AGAP1: variants seen among roughly 807,000 people sequenced by gnomAD.
AGAP1 encodes ArfGAP with GTPase domain, ankyrin repeat and PH domain 1.
AGAP1 carries 29 observed loss-of-function variants against 105.3 expected under a neutral mutation model. The ratio of observed to expected loss-of-function variants is 0.28; its 90% CI spans 0.21 to 0.38. The LOEUF (loss-of-function observed/expected upper bound fraction) is 0.38, where lower values mean the gene tolerates loss of function less well. Among genes scored for constraint, AGAP1 ranks in the 10% least tolerant of loss-of-function variants. AGAP1 has a pLI of 1.00. For missense variants in AGAP1, 998 were observed against 1,165.1 expected (o/e 0.86, Z 2.09); for synonymous variants, 509 against 485.9 (o/e 1.05, Z -0.63).
At chr2:236,122,286 G>C (rs1050909434) in intron 17 of AGAP1, among the ~76,000 whole-genome samples, 6 of 152,032 alleles carry the variant, frequency 3.9e-5, no homozygotes, top group Non-Finnish European at 7.4e-5. Flanking sequence ...ACCCTATTGT[G>C]ACCTCATTTA....
rs1433062232 is a variant in AGAP1, at chr2:236,113,303, G to A, written c.2115-6889G>A. Reference sequence around the variant, plus strand: ...TTACAGGCATCCGCCACCATGCCCGGCTAATTTTTGTATTTTTAGTAGAGA... The same window carrying A: ...TTACAGGCATCCGCCACCATGCCCGACTAATTTTTGTATTTTTAGTAGAGA... On this transcript the variant is annotated intron_variant, in intron 16 of 17. Transcript: ENST00000304032. The surrounding 1 kb of genome is among the most constrained non-coding windows in gnomAD (Gnocchi z 4.3). Among the ~76,000 whole-genome samples, 1 of 152,146 alleles carries A rather than the reference G, an allele frequency of 6.6e-6. No individual in the cohort carries two copies.
At chr2:235,673,304 GA>G (rs1455181840) in intron 1 of AGAP1, among the ~76,000 whole-genome samples, 13 of 152,148 alleles carry the variant, frequency 8.5e-5, no homozygotes, top group African/African-American at 3.1e-4. Context: ...TTAAGATTTT[GA>G]ATTTAGGTGA....
chr2:235,783,917 G>C (rs2149955050), intron 6 of AGAP1, among the ~76,000 whole-genome samples: 1 of 152,324 alleles, frequency 6.6e-6, no homozygotes, highest in Non-Finnish European at 1.5e-5. Flanking sequence ...ATGTGTGGGA[G>C]TGAACTGATG....
At chr2:235,758,395 T>G (rs1238788303) in intron 6 of AGAP1, among the ~76,000 whole-genome samples, 1 of 152,198 alleles carries the variant, frequency 6.6e-6, no homozygotes, top group Non-Finnish European at 1.5e-5. Context: ...ACTACATTGT[T>G]GGAAATGCTG....
intron 13 of AGAP1, among the ~76,000 whole-genome samples, chr2:236,033,744 C>T (rs1388045396): frequency 6.6e-6 from 1 of 152,188 alleles, no homozygotes; most frequent in African/African-American, 2.4e-5. Flanking sequence ...AGCCCTGCAC[C>T]CATACAGTGT....
At position 235,959,541 on chromosome 2, in the gene AGAP1, G is replaced by A. The variant is rs867847986; in HGVS notation, c.1484-8921G>A. Among the ~76,000 whole-genome samples, 27 of 151,972 alleles carry A rather than the reference G, an allele frequency of 1.8e-4. No homozygotes were observed. The highest frequency in any genetic ancestry group is 6.3e-4 in the African/African-American group (26 of 41,376). ...CTTGCCATGAGAACACCCAGCCCAG[G>A]AGAGGTCAGGGCCTGGCCTCCAGGT... On this transcript the variant is annotated intron_variant, in intron 12 of 17. Transcript: ENST00000304032. The surrounding 1 kb of genome is among the most constrained non-coding windows in gnomAD (Gnocchi z 7.3).
intron 1 of AGAP1, among the ~76,000 whole-genome samples, chr2:235,638,744 A>T (rs1195289275): frequency 6.6e-6 from 1 of 152,192 alleles, no homozygotes; most frequent in African/African-American, 2.4e-5. Context: ...CCAGTGGAGA[A>T]CAGGCTGAGG....
Position 235,872,958 on chromosome 2 carries a change from T to C in AGAP1, c.1051-10387T>C, listed in dbSNP as rs973808062. Among the ~76,000 whole-genome samples, 52 of 152,052 alleles carry C rather than the reference T, an allele frequency of 3.4e-4. No individual in the cohort carries two copies. Among genetic ancestry groups the C allele is most frequent in the African/African-American group, 1.1e-3 (44 of 41,408 alleles). On this transcript the variant is annotated intron_variant, in intron 9 of 17. Coordinates refer to ENST00000304032, the MANE Select transcript of AGAP1 (RefSeq NM_001037131.3). The surrounding 1 kb of genome is among the most constrained non-coding windows in gnomAD (Gnocchi z 4.5). ...GTGGTGGCTCCACGGTCCCTGAAAG[T>C]CCCCACTGGCTCAGTGCAGCTCTGG...
chr2:235,694,099 T>G (rs1398491529), intron 1 of AGAP1, among the ~76,000 whole-genome samples: 4 of 152,102 alleles, frequency 2.6e-5, no homozygotes, highest in African/African-American at 9.7e-5. Flanking sequence ...ATCCTAGCAC[T>G]TTGGGAGGCT....
At chr2:235,974,979 G>T (rs1400106822) in intron 13 of AGAP1, among the ~76,000 whole-genome samples, 1 of 152,174 alleles carries the variant, frequency 6.6e-6, no homozygotes, top group Non-Finnish European at 1.5e-5. Flanking sequence ...TTCGAGAAAG[G>T]CATGGGAATT....
Position 235,578,753 on chromosome 2 carries a change from C to A in AGAP1, c.163+83904C>A, listed in dbSNP as rs924897458. Among the ~76,000 whole-genome samples the A allele has an allele frequency of 6.6e-6, 1 of 150,664 alleles. No individual in the cohort carries two copies. The highest frequency in any genetic ancestry group is 1.5e-5 in the Non-Finnish European group (1 of 67,874). ...TAAGCCGACATTGTGCCACTGCACT[C>A]CAGCCTGGGCAATACAGCGAGACTC... On this transcript the variant is annotated intron_variant, in intron 1 of 17. Coordinates refer to ENST00000304032, the MANE Select transcript of AGAP1 (RefSeq NM_001037131.3). This position sits in a 1 kb window ranked among gnomAD's most constrained non-coding sequence, Gnocchi z 4.9.
At position 235,586,374 on chromosome 2, in the gene AGAP1, G is replaced by A. The variant is rs548908623; in HGVS notation, c.163+91525G>A. 6.6e-6 allele frequency among the ~76,000 whole-genome samples: 1 copy of A among 152,346 alleles called. No individual in the cohort carries two copies. Among genetic ancestry groups the A allele is most frequent in the African/African-American group, 2.4e-5 (1 of 41,580 alleles). Reference sequence around the variant, plus strand: ...AACCCCCTGGGTGTGTGTGGAGTTGGGAAAGAGACGGATGTTGAGCCTGAA... The same window carrying A: ...AACCCCCTGGGTGTGTGTGGAGTTGAGAAAGAGACGGATGTTGAGCCTGAA... On this transcript the variant is annotated intron_variant, in intron 1 of 17. Coordinates refer to ENST00000304032, the MANE Select transcript of AGAP1 (RefSeq NM_001037131.3). This position sits in a 1 kb window ranked among gnomAD's most constrained non-coding sequence, Gnocchi z 4.2.
rs1377546194 is a variant in AGAP1, at chr2:235,662,766, C to T, written c.164-46413C>T. On this transcript the variant is annotated intron_variant, in intron 1 of 17. Transcript: ENST00000304032. This position sits in a 1 kb window ranked among gnomAD's most constrained non-coding sequence, Gnocchi z 4.2. The stretch of plus-strand genomic sequence containing the variant: ...CAGGAGTTGGGGTTTTCTGGGCTCA[C>T]ACCCAGCCTGTGTCCCTCATCCCCT... 6.6e-6 allele frequency among the ~76,000 whole-genome samples: 1 copy of T among 152,194 alleles called. No individual in the cohort carries two copies. Among genetic ancestry groups the T allele is most frequent in the East Asian group, 1.9e-4 (1 of 5,178 alleles).
intron 16 of AGAP1, among the ~76,000 whole-genome samples, chr2:236,079,559 C>G (rs140000075): frequency 8.4e-6 from 1 of 119,354 alleles, no homozygotes; most frequent in Non-Finnish European, 1.6e-5. Flanking sequence ...TATATACACA[C>G]ACACACACAC....
chr2:235,809,984 T>G (rs1958045647), intron 9 of AGAP1, among the ~76,000 whole-genome samples: 1 of 152,172 alleles, frequency 6.6e-6, no homozygotes, highest in Non-Finnish European at 1.5e-5. Flanking sequence ...GGGAGGGCCC[T>G]ATACCAGGCA....
rs1414456979 is a variant in AGAP1, at chr2:235,724,183, A to G, written c.310+6539A>G. ...TCTTAACCAACTCAAAATTTTAGGC[A>G]GAAAGCTAGCTCCAAGGCTGAGGCA... On this transcript the variant is annotated intron_variant, in intron 3 of 17. Transcript: ENST00000304032. This position sits in a 1 kb window ranked among gnomAD's most constrained non-coding sequence, Gnocchi z 4.9. Among the ~76,000 whole-genome samples the G allele has an allele frequency of 6.6e-6, 1 of 152,228 alleles. No homozygotes were observed. The highest frequency in any genetic ancestry group is 1.5e-5 in the Non-Finnish European group (1 of 68,048).
At chr2:235,630,612 A>T (rs780518307) in intron 1 of AGAP1, among the ~76,000 whole-genome samples, 4 of 152,278 alleles carry the variant, frequency 2.6e-5, no homozygotes, top group South Asian at 2.1e-4. Context: ...CATCCATGTT[A>T]CTGGTAAGCT....
intron 6 of AGAP1, among the ~76,000 whole-genome samples, chr2:235,762,131 T>C (rs1954498259): frequency 6.8e-6 from 1 of 146,646 alleles, no homozygotes; most frequent in African/African-American, 2.5e-5. Flanking sequence ...AAAAAAAAAA[T>C]TGCAGAGAAT....
chr2:235,768,520 C>T (rs573229351), intron 6 of AGAP1, among the ~76,000 whole-genome samples: 1 of 152,332 alleles, frequency 6.6e-6, no homozygotes, highest in South Asian at 2.1e-4. Context: ...CCACATTCCC[C>T]TTAGGAGGGT....
Sources: gnomAD v4.1 joint callset for allele counts (sites outside exome capture counted in the v4.1 genomes callset) on GRCh38, gnomAD v4.1.1 for gene constraint, Gnocchi (gnomAD v3.1) non-coding constraint, MANE v1.5 for transcripts, NCBI Gene and HGNC (gene_info 2026-07-23, HGNC 2026-07-21) for gene names.